PIP4K2A: variants seen among roughly 807,000 people sequenced by gnomAD.
PIP4K2A encodes the protein phosphatidylinositol 5-phosphate 4-kinase type-2 alpha.
A neutral mutation model predicts 42.9 loss-of-function variants in PIP4K2A; 14 were observed. The ratio of observed to expected loss-of-function variants is 0.33; its 90% CI spans 0.22 to 0.51. The LOEUF (loss-of-function observed/expected upper bound fraction) is 0.51, where lower values mean the gene tolerates loss of function less well. PIP4K2A is among the 20% of genes least tolerant of loss of function. PIP4K2A has a pLI of 0.97. For synonymous variants in PIP4K2A, 192 were observed against 192.2 expected, an observed-to-expected ratio of 1.00 and a Z score of 0.01; for missense variants, 434 against 519.8, an observed-to-expected ratio of 0.83 and a Z score of 1.61.
At chr10:22,542,358 C>T (rs1836144509) in intron 7 of PIP4K2A, among the ~76,000 whole-genome samples, 1 of 63,060 alleles carries the variant, frequency 1.6e-5, no homozygotes, top group Admixed American at 1.9e-4. Context: ...GTAAGAGATG[C>T]GGAGAGAGAC....
chr10:22,628,386 C>T (rs1838489423), intron 1 of PIP4K2A, among the ~76,000 whole-genome samples: 1 of 152,088 alleles, frequency 6.6e-6, no homozygotes, highest in South Asian at 2.1e-4. Context: ...TAGAAAAAGT[C>T]TCAAAAATCA....
At chr10:22,554,668 T>A (rs889839064) in intron 6 of PIP4K2A, among the ~76,000 whole-genome samples, 5 of 152,018 alleles carry the variant, frequency 3.3e-5, no homozygotes, top group African/African-American at 1.2e-4. Flanking sequence ...GCGGGCCGAG[T>A]CTTTATTTGC....
chr10:22,698,729 A>T (rs1387336755), intron 1 of PIP4K2A, among the ~76,000 whole-genome samples: 2 of 152,234 alleles, frequency 1.3e-5, no homozygotes, highest in African/African-American at 2.4e-5. Context: ...AATACATAGA[A>T]TAGTCTCAAT....
intron 1 of PIP4K2A, among the ~76,000 whole-genome samples, chr10:22,627,769 C>A (rs969101140): frequency 2.0e-5 from 3 of 152,072 alleles, no homozygotes; most frequent in African/African-American, 7.2e-5. Flanking sequence ...TAAGAATCCC[C>A]ATGATATTCT....
At chr10:22,696,414 AAATGAATCCT>A (rs1839974375) in intron 1 of PIP4K2A, among the ~76,000 whole-genome samples, 1 of 152,214 alleles carries the variant, frequency 6.6e-6, no homozygotes, top group Non-Finnish European at 1.5e-5. Flanking sequence ...AACCAAATTG[AAATGAATCCT>A]TAAATGGTCT....
chr10:22,635,047 A>C (rs1295565856), intron 1 of PIP4K2A, among the ~76,000 whole-genome samples: 1 of 152,150 alleles, frequency 6.6e-6, no homozygotes, highest in Admixed American at 6.5e-5. Context: ...TGAGCAACAG[A>C]AACAGTGAGG....
At chr10:22,701,610 CACTT>C (rs1833717203) in intron 1 of PIP4K2A, among the ~76,000 whole-genome samples, 1 of 152,218 alleles carries the variant, frequency 6.6e-6, no homozygotes, top group South Asian at 2.1e-4. Flanking sequence ...CTCACTGTCT[CACTT>C]ACTGTTGGAT....
intron 1 of PIP4K2A, among the ~76,000 whole-genome samples, chr10:22,710,348 C>T (rs1833892137): frequency 6.6e-6 from 1 of 152,222 alleles, no homozygotes; most frequent in Non-Finnish European, 1.5e-5. Context: ...ACTGTTCTTT[C>T]CCCAACGCCA....
intron 9 of PIP4K2A, among the ~76,000 whole-genome samples, chr10:22,538,758 T>TG (rs1564410368): frequency 6.6e-6 from 1 of 151,720 alleles, no homozygotes; most frequent in African/African-American, 2.4e-5. Context: ...AAATTTCTGT[T>TG]GGGGGGAAGC....
intron 1 of PIP4K2A, among the ~76,000 whole-genome samples, chr10:22,640,435 A>G (rs1838757691): frequency 6.6e-6 from 1 of 152,146 alleles, no homozygotes; most frequent in South Asian, 2.1e-4. Flanking sequence ...GTTTGTCAAC[A>G]CCAGGTCCTT....
chr10:22,544,357 C>A (rs1301965252), intron 7 of PIP4K2A, among the ~76,000 whole-genome samples: 4 of 152,176 alleles, frequency 2.6e-5, no homozygotes, highest in Non-Finnish European at 5.9e-5. Flanking sequence ...CCACTTCTCC[C>A]TGCCCTGTTG....
At position 22,591,679 on chromosome 10, in the gene PIP4K2A, T is replaced by C. The variant is rs1380783542; in HGVS notation, c.442A>G (p.Thr148Ala). The C allele has an allele frequency of 3.1e-6, 5 of 1,613,158 alleles. No individual in the cohort carries two copies. The highest frequency in any genetic ancestry group is 1.7e-4 in the Middle Eastern group (1 of 6,060). ...TGCATTTCGGCCACGTCTTCACTGG[T>C]AATAGTCTTGATGATGTATCTTTTG... ...YDKRYIIKTI[T>A]SEDVAEMHNI... The change falls in exon 4 of 10, where the codon ACC becomes GCC. Residue 148 changes from threonine (T) to alanine (A), a missense_variant. By Grantham distance (58) the Thr-to-Ala change is moderately conservative. Coordinates refer to ENST00000376573, the MANE Select transcript of PIP4K2A (RefSeq NM_005028.5).
At chr10:22,541,328 A>G (rs969633450) in intron 8 of PIP4K2A, among the ~76,000 whole-genome samples, 11 of 152,236 alleles carry the variant, frequency 7.2e-5, no homozygotes, top group Admixed American at 7.2e-4. Context: ...CAAGAGGACA[A>G]GCTAAGGGTC....
chr10:22,634,662 TTC>T (rs1410185541), intron 1 of PIP4K2A, among the ~76,000 whole-genome samples: 1 of 152,224 alleles, frequency 6.6e-6, no homozygotes, highest in East Asian at 1.9e-4. Flanking sequence ...GGTCCAATTC[TTC>T]TCTCTTTCTC....
Position 22,536,903 on chromosome 10 carries a change from G to GGAT in PIP4K2A, c.*295_*297dup, listed in dbSNP as rs2130730245. On this transcript the variant is annotated 3_prime_UTR_variant, in exon 10 of 10. Transcript: ENST00000376573. Reference sequence around the variant, plus strand: ...TGTTGGGACACATACTGACCGAAGTGGATCTGTTTTAATTAATTTATGACT... The same window carrying GGAT: ...TGTTGGGACACATACTGACCGAAGTGGATGATCTGTTTTAATTAATTTATGACT... 1 of 294,008 alleles carries GGAT rather than the reference G, an allele frequency of 3.4e-6. No individual in the cohort carries two copies. Among genetic ancestry groups the GGAT allele is most frequent in the Non-Finnish European group, 6.3e-6 (1 of 157,854 alleles). The allele number at this position is 294,008 out of a possible 1,614,324, so 18.2% of individuals were successfully genotyped here.
intron 4 of PIP4K2A, among the ~76,000 whole-genome samples, chr10:22,575,937 CA>C (rs557440119): frequency 6.7e-5 from 9 of 135,232 alleles, no homozygotes; most frequent in Admixed American, 3.7e-4. Flanking sequence ...GACGCCATCT[CA>C]AAAAAAAAAC....
intron 4 of PIP4K2A, among the ~76,000 whole-genome samples, chr10:22,588,724 T>C (rs1837450842): frequency 6.6e-6 from 1 of 152,218 alleles, no homozygotes; most frequent in African/African-American, 2.4e-5. Flanking sequence ...GATCTATGTC[T>C]CCTGACTTCT....
At chr10:22,563,472 TA>T (rs1448346288) in intron 6 of PIP4K2A, among the ~76,000 whole-genome samples, 1 of 152,274 alleles carries the variant, frequency 6.6e-6, no homozygotes, top group East Asian at 1.9e-4. Context: ...TTTATTTCAC[TA>T]CTTTAGAAAA....
chr10:22,642,641 T>C (rs1838804698), intron 1 of PIP4K2A, among the ~76,000 whole-genome samples: 2 of 150,676 alleles, frequency 1.3e-5, no homozygotes, highest in Non-Finnish European at 3.0e-5. Context: ...GATCTGTTTA[T>C]AAACAGATCT....
Sources: gnomAD v4.1 joint callset for allele counts (sites outside exome capture counted in the v4.1 genomes callset) on GRCh38, gnomAD v4.1.1 for gene constraint, MANE v1.5 for transcripts, NCBI Gene and HGNC (gene_info 2026-07-23, HGNC 2026-07-21) for gene names.